RGS20: variants seen among roughly 807,000 people sequenced by gnomAD.
RGS20 encodes the protein regulator of G protein signaling 20.
RGS20 carries 30 observed loss-of-function variants against 33.6 expected under a neutral mutation model. The ratio of observed to expected loss-of-function variants is 0.89; its 90% CI spans 0.67 to 1.21. RGS20 has a LOEUF of 1.21. RGS20 is among the 50% of genes most tolerant of loss of function. The probability of loss-of-function intolerance (pLI) is 0.00; values close to 1 mark genes in which losing one functional copy is unlikely to be tolerated. For synonymous variants in RGS20, 208 were observed against 197.9 expected (o/e 1.05, Z -0.43); for missense variants, 472 against 502.4 (o/e 0.94, Z 0.58).
intron 1 of RGS20, among the ~76,000 whole-genome samples, chr8:53,868,823 AC>A (rs1811986045): frequency 6.6e-6 from 1 of 151,988 alleles, no homozygotes; most frequent in Non-Finnish European, 1.5e-5. Context: ...GGCGATCTCA[AC>A]TCACTGCAAC....
intron 1 of RGS20, among the ~76,000 whole-genome samples, chr8:53,871,805 A>G (rs557137553): frequency 6.6e-6 from 1 of 152,126 alleles, no homozygotes; most frequent in Non-Finnish European, 1.5e-5. Flanking sequence ...AAACTCCTTA[A>G]ATTGATTCAG....
Position 53,912,205 on chromosome 8 carries a change from G to A in RGS20, c.511-27371G>A, listed in dbSNP as rs549798444. On this transcript the variant is annotated intron_variant, in intron 2 of 5. Transcript: ENST00000297313. Reference sequence around the variant, plus strand: ...TCGCCTCATTTAATCTTCACCTCCAGGATACTCAGTATCCCAGTTCTATTG... The same window carrying A: ...TCGCCTCATTTAATCTTCACCTCCAAGATACTCAGTATCCCAGTTCTATTG... 9.9e-5 allele frequency among the ~76,000 whole-genome samples: 15 copies of A among 152,112 alleles called. No homozygotes were observed. In the South Asian group the frequency reaches 2.7e-3, roughly 27 times the overall value.
At chr8:53,853,705 G>A (rs1397927444) in intron 1 of RGS20, among the ~76,000 whole-genome samples, 1 of 152,140 alleles carries the variant, frequency 6.6e-6, no homozygotes, top group East Asian at 1.9e-4. Context: ...GGAGCCATAG[G>A]GAATAAAGAG....
chr8:53,859,936 TG>T (rs1262869212), intron 1 of RGS20, among the ~76,000 whole-genome samples: 1 of 152,160 alleles, frequency 6.6e-6, no homozygotes, highest in East Asian at 1.9e-4. Context: ...CCATGACATA[TG>T]GGGATTATGG....
At chr8:53,856,933 G>T (rs934216180) in intron 1 of RGS20, among the ~76,000 whole-genome samples, 2 of 152,088 alleles carry the variant, frequency 1.3e-5, no homozygotes, top group Non-Finnish European at 2.9e-5. Context: ...CAGCTACAAA[G>T]ACAATGGAGC....
chr8:53,879,111 T>A (rs1210295229), intron 1 of RGS20: 2 of 669,670 alleles, frequency 3.0e-6, no homozygotes, highest in African/African-American at 3.7e-5. Context: ...GGAAAGAATC[T>A]AACTATAGGC....
At chr8:53,889,328 G>A (rs1812636336) in intron 2 of RGS20, among the ~76,000 whole-genome samples, 1 of 145,254 alleles carries the variant, frequency 6.9e-6, no homozygotes, top group African/African-American at 2.5e-5. Context: ...TTTGGGTCAA[G>A]TCATTTGTAT....
intron 2 of RGS20, among the ~76,000 whole-genome samples, chr8:53,890,558 C>G (rs1454001724): frequency 2.0e-5 from 3 of 152,156 alleles, no homozygotes; most frequent in Non-Finnish European, 1.5e-5. Context: ...GGAGGGATTT[C>G]CTGTCTAAGG....
At position 53,946,655 on chromosome 8, in the gene RGS20, T is replaced by C; in HGVS notation, c.660-10T>C. Reference sequence around the variant, plus strand: ...TGAGCTGTCAACATGTGAATGTCTTTTTTTTGCAGTCTCACTGTTAGAAAC... The same window carrying C: ...TGAGCTGTCAACATGTGAATGTCTTCTTTTTGCAGTCTCACTGTTAGAAAC... On this transcript the variant is annotated splice_polypyrimidine_tract_variant and intron_variant, in intron 3 of 5. Transcript: ENST00000297313. 1 of 1,609,120 alleles carries C rather than the reference T, an allele frequency of 6.2e-7. No homozygotes were observed. Among genetic ancestry groups the C allele is most frequent in the Non-Finnish European group, 8.5e-7 (1 of 1,177,452 alleles).
intron 2 of RGS20, among the ~76,000 whole-genome samples, chr8:53,919,772 T>C (rs58603618): frequency 0.049 from 7,399 of 152,040 alleles, 487 homozygotes; most frequent in African/African-American, 0.15. Context: ...AAAACAGGCA[T>C]CTGGGATTTT....
At chr8:53,897,699 G>A (rs1364981911) in intron 2 of RGS20, among the ~76,000 whole-genome samples, 7 of 152,068 alleles carry the variant, frequency 4.6e-5, no homozygotes, top group African/African-American at 7.2e-5. Flanking sequence ...CTGCTGCCCC[G>A]TCGATTGTCC....
chr8:53,931,456 G>A (rs1321791618), intron 2 of RGS20, among the ~76,000 whole-genome samples: 1 of 152,166 alleles, frequency 6.6e-6, no homozygotes, highest in Admixed American at 6.5e-5. Flanking sequence ...TCAGGAGGCT[G>A]AGGCAGGAAA....
At chr8:53,948,211 A>ATG (rs1491240899) in intron 4 of RGS20, among the ~76,000 whole-genome samples, 37 of 85,666 alleles carry the variant, frequency 4.3e-4, no homozygotes, top group South Asian at 1.8e-3. Flanking sequence ...TGCTATATAT[A>ATG]AGATAGTATA....
chr8:53,909,143 A>G (rs1270651992), intron 2 of RGS20, among the ~76,000 whole-genome samples: 1 of 143,036 alleles, frequency 7.0e-6, no homozygotes, highest in Non-Finnish European at 1.5e-5. Flanking sequence ...GCCTGTGGTC[A>G]TACAGGTAGT....
At chr8:53,855,560 T>A (rs1338265353) in intron 1 of RGS20, among the ~76,000 whole-genome samples, 1 of 152,138 alleles carries the variant, frequency 6.6e-6, no homozygotes, top group African/African-American at 2.4e-5. Context: ...GTGCTAAAAT[T>A]GCATGAAACT....
At chr8:53,915,391 G>C (rs934309638) in intron 2 of RGS20, among the ~76,000 whole-genome samples, 1 of 151,082 alleles carries the variant, frequency 6.6e-6, no homozygotes. Flanking sequence ...TCTTCTACAG[G>C]GATCTCCCGG....
chr8:53,950,198 T>C (rs1194287470), intron 4 of RGS20, among the ~76,000 whole-genome samples: 1 of 152,096 alleles, frequency 6.6e-6, no homozygotes, highest in Admixed American at 6.6e-5. Flanking sequence ...AAAATAGAAG[T>C]TTTAAAAATC....
At chr8:53,896,929 A>T (rs1375902222) in intron 2 of RGS20, among the ~76,000 whole-genome samples, 1 of 152,252 alleles carries the variant, frequency 6.6e-6, no homozygotes, top group African/African-American at 2.4e-5. Context: ...TCATACCATT[A>T]TCATAGAAGA....
chr8:53,942,142 A>G (rs1814316286), intron 3 of RGS20, among the ~76,000 whole-genome samples: 1 of 152,122 alleles, frequency 6.6e-6, no homozygotes, highest in African/African-American at 2.4e-5. Context: ...GCATGGGGGC[A>G]CATGCCCATA....
Sources: gnomAD v4.1 joint callset for allele counts (sites outside exome capture counted in the v4.1 genomes callset) on GRCh38, gnomAD v4.1.1 for gene constraint, MANE v1.5 for transcripts, NCBI Gene and HGNC (gene_info 2026-07-23, HGNC 2026-07-21) for gene names.